The following ALOX5 variants were observed in gnomAD, a reference collection of about 807,000 sequenced individuals.
The protein encoded by ALOX5 is arachidonate 5-lipoxygenase.
ALOX5 carries 64 observed loss-of-function variants against 87.9 expected under a neutral mutation model. That is an observed-to-expected ratio of 0.73 (90% CI 0.60 to 0.90). The LOEUF is 0.90. Among genes scored for constraint, ALOX5 ranks in the 40% least tolerant of loss-of-function variants. The probability of loss-of-function intolerance (pLI) is 0.00; values close to 1 mark genes in which losing one functional copy is unlikely to be tolerated. For synonymous variants in ALOX5, 388 were observed against 355.1 expected (o/e 1.09, Z -1.04); for missense variants, 822 against 907.5 (o/e 0.91, Z 1.21).
At position 45,444,434 on chromosome 10, in the gene ALOX5, C is replaced by G. The variant is rs1842367156; in HGVS notation, c.1845+148C>G. 1.1e-5 allele frequency: 12 copies of G among 1,124,510 alleles called. No homozygotes were observed. The South Asian group carries it at 2.0e-4, about 19-fold the overall frequency. 69.7% of individuals were successfully genotyped at this position (1,124,510 alleles called of 1,614,324 possible). On this transcript the variant is annotated intron_variant, in intron 13 of 13. Coordinates refer to ENST00000374391, the MANE Select transcript of ALOX5 (RefSeq NM_000698.5). ...GCTGGAAGGGCCCAGAAGGCTGCAGCCGCCACCAGGTCCCCCGGCCTCAGC... is the reference window on the plus strand; with the variant it reads ...GCTGGAAGGGCCCAGAAGGCTGCAGGCGCCACCAGGTCCCCCGGCCTCAGC...
intron 3 of ALOX5, among the ~76,000 whole-genome samples, chr10:45,403,237 G>A (rs544283515): frequency 4.9e-4 from 75 of 152,288 alleles, no homozygotes; most frequent in Admixed American, 6.5e-4. Flanking sequence ...CCAACAAACA[G>A]TAGAACAGAC....
chr10:45,441,369 C>G lies in ALOX5; in HGVS notation c.1211C>G (p.Thr404Ser). ...FKLLVAHVRF[T>S]IAINTKAREQ... ...CTGCTGGTGGCACACGTGAGATTCA[C>G]CATTGCAATCAACACCAAGGCCCGT... The change falls in exon 9 of 14, where the codon ACC (threonine) becomes AGC (serine). Residue 404 changes from threonine to serine, a missense_variant. By Grantham distance (58) the Thr-to-Ser change is moderately conservative (BLOSUM62 1). Transcript: ENST00000374391. The G allele has an allele frequency of 6.2e-7, 1 of 1,613,888 alleles. No homozygotes were observed. Among genetic ancestry groups the G allele is most frequent in the Non-Finnish European group, 8.5e-7 (1 of 1,179,834 alleles).
At position 45,374,283 on chromosome 10, in the gene ALOX5, C is replaced by T. The variant is rs758304579; in HGVS notation, c.4C>T (p.Pro2Ser). MPSYTVTVATGS... is the reference protein window; with the variant it reads MSSYTVTVATGS... ...CGCTGCTCCCGCGGCCCGCGCCATG[C>T]CCTCCTACACGGTCACCGTGGCCAC... Residue 2 changes from proline to serine, a missense_variant, in exon 1 of 14, where the codon CCC (proline) becomes TCC (serine). By Grantham distance (74) the Pro-to-Ser change is moderately conservative. Coordinates refer to ENST00000374391, the MANE Select transcript of ALOX5 (RefSeq NM_000698.5). 4.0e-6 allele frequency: 6 copies of T among 1,486,140 alleles called. No homozygotes were observed. Among genetic ancestry groups the T allele is most frequent in the Admixed American group, 2.4e-5 (1 of 41,776 alleles). The allele number at this position is 1,486,140 out of a possible 1,614,324, so 92.1% of individuals were successfully genotyped here. A position where few individuals can be genotyped will look rare whatever the true frequency, so the allele number is the denominator to read the frequency against.
chr10:45,395,991 AG>A, intron 3 of ALOX5, 55 bp downstream of exon 3: 1 of 1,555,634 alleles, frequency 6.4e-7, no homozygotes. Context: ...TTCTATCTCA[AG>A]AGCATGGTAT....
In ALOX5 at chr10:45,440,572, T is replaced by C. The variant is rs1490075525; in HGVS notation, c.1124T>C (p.Val375Ala). ...TITHLLRTHL[V>A]SEVFGIAMYR... Reference sequence around the variant, plus strand: ...ACCCACCTTCTGCGAACACATCTGGTGTCTGAGGTTTTTGGCATTGCAATG... The same window carrying C: ...ACCCACCTTCTGCGAACACATCTGGCGTCTGAGGTTTTTGGCATTGCAATG... The change falls in exon 8 of 14, where the codon GTG becomes GCG. Residue 375 changes from valine to alanine, a missense_variant. Val to Ala is a moderately conservative substitution (Grantham distance 64). Coordinates refer to ENST00000374391, the MANE Select transcript of ALOX5 (RefSeq NM_000698.5). 1 of 1,614,096 alleles carries C rather than the reference T, an allele frequency of 6.2e-7. No homozygotes were observed. Among genetic ancestry groups the C allele is most frequent in the Non-Finnish European group, 8.5e-7 (1 of 1,180,016 alleles).
intron 3 of ALOX5, among the ~76,000 whole-genome samples, chr10:45,399,203 A>C (rs952720643): frequency 6.6e-6 from 1 of 152,238 alleles, no homozygotes; most frequent in African/African-American, 2.4e-5. Flanking sequence ...ACAAAAGATC[A>C]TATATTGTAT....
intron 2 of ALOX5, among the ~76,000 whole-genome samples, chr10:45,386,020 TAG>T (rs771568874): frequency 1.9e-4 from 29 of 151,978 alleles, no homozygotes; most frequent in Non-Finnish European, 4.0e-4. Flanking sequence ...CTGGGCAATG[TAG>T]AGAGACCCCA....
chr10:45,394,697 A>G (rs1215041635), intron 2 of ALOX5, among the ~76,000 whole-genome samples: 1 of 152,242 alleles, frequency 6.6e-6, no homozygotes, highest in Non-Finnish European at 1.5e-5. Context: ...AAATTTTGCA[A>G]TCTACTCATC....
chr10:45,440,947 G>A (rs763280292), intron 8 of ALOX5, among the ~76,000 whole-genome samples: 6 of 152,192 alleles, frequency 3.9e-5, no homozygotes, highest in African/African-American at 4.8e-5. Context: ...ATCACTCTCC[G>A]TCCCTGTTCT....
At chr10:45,430,082 G>A (rs973961857) in intron 7 of ALOX5, among the ~76,000 whole-genome samples, 4 of 152,134 alleles carry the variant, frequency 2.6e-5, no homozygotes, top group African/African-American at 9.7e-5. Flanking sequence ...GCAGGTAAAG[G>A]GACAGGTGAC....
chr10:45,402,065 CG>C (rs1175197013), intron 3 of ALOX5, among the ~76,000 whole-genome samples: 13 of 122,978 alleles, frequency 1.1e-4, no homozygotes, highest in African/African-American at 3.9e-4. Context: ...CCAGCCTGGG[CG>C]ACAGAGCGAG....
chr10:45,397,923 A>G (rs1393207452), intron 3 of ALOX5, among the ~76,000 whole-genome samples: 2 of 152,232 alleles, frequency 1.3e-5, no homozygotes, highest in Non-Finnish European at 2.9e-5. Context: ...CCACAAATTA[A>G]TGTACACGTT....
chr10:45,440,113 T>G (rs1040295134), intron 7 of ALOX5, among the ~76,000 whole-genome samples: 5 of 152,116 alleles, frequency 3.3e-5, no homozygotes, highest in African/African-American at 1.2e-4. Context: ...TGCTGGGCCT[T>G]CGGCCTGCCC....
At chr10:45,382,240 T>C (rs531104910) in intron 1 of ALOX5, among the ~76,000 whole-genome samples, 2 of 152,372 alleles carry the variant, frequency 1.3e-5, no homozygotes, top group East Asian at 1.9e-4. Context: ...CCAACCTTGA[T>C]GAAAAGAGTG....
intron 4 of ALOX5, among the ~76,000 whole-genome samples, chr10:45,421,670 G>A (rs1162782542): frequency 1.3e-5 from 2 of 152,340 alleles, no homozygotes; most frequent in East Asian, 1.9e-4. Flanking sequence ...TCGTAGCCAT[G>A]GTGAGACCAC....
intron 3 of ALOX5, among the ~76,000 whole-genome samples, chr10:45,403,126 C>T (rs1051882774): frequency 6.6e-6 from 1 of 152,304 alleles, no homozygotes; most frequent in East Asian, 1.9e-4. Context: ...TAATCTATGA[C>T]CCAGAAATCC....
chr10:45,427,495 C>T (rs1005472766), intron 6 of ALOX5, among the ~76,000 whole-genome samples: 5 of 152,240 alleles, frequency 3.3e-5, no homozygotes, highest in Non-Finnish European at 7.3e-5. Context: ...GGCCAGGCTC[C>T]GAGCTCCTGC....
intron 9 of ALOX5, 86 bp from the exon 10 acceptor site, chr10:45,442,952 G>C: frequency 7.0e-7 from 1 of 1,433,496 alleles, no homozygotes; most frequent in Non-Finnish European, 9.4e-7. Flanking sequence ...TGGCCTCCTC[G>C]CCTCCCCTGG....
chr10:45,416,341 T>C (rs1190407920), intron 4 of ALOX5, among the ~76,000 whole-genome samples: 1 of 152,170 alleles, frequency 6.6e-6, no homozygotes, highest in Non-Finnish European at 1.5e-5. Flanking sequence ...TGGGGCATTT[T>C]TCTCCTACCA....
Sources: gnomAD v4.1 joint callset for allele counts (sites outside exome capture counted in the v4.1 genomes callset) on GRCh38, gnomAD v4.1.1 for gene constraint, MANE v1.5 for transcripts, NCBI Gene and HGNC (gene_info 2026-07-23, HGNC 2026-07-21) for gene names.